PTPRD: variants seen among roughly 807,000 people sequenced by gnomAD.
PTPRD encodes protein tyrosine phosphatase receptor type D, also known as receptor-type tyrosine-protein phosphatase delta.
Under a neutral mutation model 214.5 loss-of-function variants are expected in PTPRD, and 34 were observed. The observed-to-expected ratio is 0.16, with a 90% CI of 0.12 to 0.21. The LOEUF (loss-of-function observed/expected upper bound fraction) is 0.21. Among genes scored for constraint, PTPRD ranks in the 10% least tolerant of loss-of-function variants. PTPRD has a pLI of 1.00. For missense variants in PTPRD, 2,545 were observed against 2,398.7 expected (o/e 1.06, Z -1.27); for synonymous variants, 1,128 against 845.7 (o/e 1.33, Z -5.79).
At chr9:8,630,321 T>TA (rs1188328604) in intron 14 of PTPRD, among the ~76,000 whole-genome samples, 1 of 151,834 alleles carries the variant, frequency 6.6e-6, no homozygotes, top group African/African-American at 2.4e-5. Flanking sequence ...AACTGTGGTA[T>TA]AAACCTCTTC....
At chr9:10,247,602 C>A (rs1273887336) in intron 3 of PTPRD, among the ~76,000 whole-genome samples, 1 of 152,098 alleles carries the variant, frequency 6.6e-6, no homozygotes, top group East Asian at 1.9e-4. Flanking sequence ...ACAGATATTT[C>A]CCCCTGAATG....
intron 4 of PTPRD, among the ~76,000 whole-genome samples, chr9:9,975,566 G>A (rs763719127): frequency 5.3e-5 from 8 of 152,158 alleles, no homozygotes; most frequent in Non-Finnish European, 7.4e-5. Flanking sequence ...AAGACTTCGT[G>A]AAACAGAGTA....
chr9:8,658,630 G>C (rs2096962436), intron 12 of PTPRD, among the ~76,000 whole-genome samples: 2 of 145,828 alleles, frequency 1.4e-5, no homozygotes, highest in African/African-American at 5.0e-5. Context: ...CCCATAATTA[G>C]TTTTGCAATT....
chr9:8,721,429 CAAAAAAAA>C lies in PTPRD; in HGVS notation c.64+12343_64+12350del, dbSNP rs35721977. On this transcript the variant is annotated intron_variant, in intron 12 of 45. Transcript: ENST00000381196. ...TGGACGACTGAGTGAGACTCCATTT[CAAAAAAAA>C]AAAAAAAAGAAAGATAAAGTGTTTA... 1.8e-4 allele frequency among the ~76,000 whole-genome samples: 18 copies of C among 97,318 alleles called. No homozygotes were observed. In the East Asian group the frequency reaches 5.3e-3, roughly 29 times the overall value. 63.8% of individuals were successfully genotyped at this position (97,318 alleles called of 152,430 possible). A position where few individuals can be genotyped will look rare whatever the true frequency, so the allele number is the denominator to read the frequency against.
At chr9:9,120,026 C>T (rs2099816128) in intron 10 of PTPRD, among the ~76,000 whole-genome samples, 1 of 152,076 alleles carries the variant, frequency 6.6e-6, no homozygotes, top group South Asian at 2.1e-4. Context: ...GAATGCATAC[C>T]ATTTTCTAAA....
chr9:8,818,525 T>C (rs2096969902), intron 11 of PTPRD, among the ~76,000 whole-genome samples: 1 of 152,170 alleles, frequency 6.6e-6, no homozygotes, highest in Admixed American at 6.6e-5. Context: ...TCACAGTAAT[T>C]AAGGTGAGGT....
At chr9:9,460,587 T>C (rs985000933) in intron 8 of PTPRD, among the ~76,000 whole-genome samples, 1 of 151,902 alleles carries the variant, frequency 6.6e-6, no homozygotes, top group Non-Finnish European at 1.5e-5. Context: ...TGCTTAACAA[T>C]AATCATCGAA....
At chr9:8,660,790 C>A (rs2097027179) in intron 12 of PTPRD, among the ~76,000 whole-genome samples, 1 of 152,110 alleles carries the variant, frequency 6.6e-6, no homozygotes, top group Non-Finnish European at 1.5e-5. Flanking sequence ...CTTGACTTTC[C>A]ACTTACTCTT....
At chr9:8,451,948 AGT>A in intron 33 of PTPRD, 1 of 475,638 alleles carries the variant, frequency 2.1e-6, no homozygotes, top group Non-Finnish European at 4.2e-6. Context: ...GGCTGGGGTG[AGT>A]GACACTGAGC....
chr9:9,217,827 A>C (rs1246695301), intron 9 of PTPRD, among the ~76,000 whole-genome samples: 1 of 152,080 alleles, frequency 6.6e-6, no homozygotes, highest in Non-Finnish European at 1.5e-5. Context: ...TATCTTGTCC[A>C]TATGTTTTCT....
chr9:9,263,057 C>T (rs2099980829), intron 9 of PTPRD, among the ~76,000 whole-genome samples: 2 of 151,432 alleles, frequency 1.3e-5, no homozygotes, highest in Admixed American at 1.3e-4. Flanking sequence ...AATGCTAATC[C>T]TCAGGGTAAA....
intron 5 of PTPRD, among the ~76,000 whole-genome samples, chr9:9,899,709 A>G (rs977163746): frequency 4.6e-5 from 7 of 152,090 alleles, no homozygotes; most frequent in African/African-American, 7.2e-5. Flanking sequence ...TATACCTCCA[A>G]AGGAAAAAAA....
intron 2 of PTPRD, among the ~76,000 whole-genome samples, chr9:10,583,104 T>G (rs895524739): frequency 1.3e-5 from 2 of 151,682 alleles, no homozygotes; most frequent in Non-Finnish European, 2.9e-5. Context: ...AGGTGAAGAG[T>G]TGGGTGATGC....
At chr9:8,916,309 G>T (rs908451555) in intron 11 of PTPRD, among the ~76,000 whole-genome samples, 1 of 152,044 alleles carries the variant, frequency 6.6e-6, no homozygotes, top group Non-Finnish European at 1.5e-5. Context: ...ATTAATCATT[G>T]GACAATTATG....
rs140145104 is a variant in PTPRD, at chr9:8,785,227, T to G, written c.-103-51281A>C. ...AAAAGAGACTGAAACAAGGAGATGA[T>G]GAAGAATAACAGGGGAAAAAAACAC... On this transcript the variant is annotated intron_variant, in intron 11 of 45. Transcript: ENST00000381196. Among the ~76,000 whole-genome samples, 314 of 152,216 alleles carry G rather than the reference T, an allele frequency of 2.1e-3. 1 individual carries two copies. Among genetic ancestry groups the G allele is most frequent in the African/African-American group, 7.4e-3 (306 of 41,524 alleles).
chr9:8,375,580 G>C (rs527641498), intron 39 of PTPRD, among the ~76,000 whole-genome samples: 1 of 152,054 alleles, frequency 6.6e-6, no homozygotes, highest in East Asian at 1.9e-4. Flanking sequence ...TATCAGTCCA[G>C]CCCACAAGAA....
At chr9:8,675,310 T>A (rs563067005) in intron 12 of PTPRD, among the ~76,000 whole-genome samples, 12 of 152,110 alleles carry the variant, frequency 7.9e-5, no homozygotes, top group African/African-American at 2.9e-4. Context: ...TGCTATGAAA[T>A]GGAAATACAA....
chr9:8,883,418 C>A (rs2098462589), intron 11 of PTPRD, among the ~76,000 whole-genome samples: 1 of 152,192 alleles, frequency 6.6e-6, no homozygotes. Flanking sequence ...TCTCCTTAGA[C>A]ATTCATTGGC....
intron 9 of PTPRD, among the ~76,000 whole-genome samples, chr9:9,276,797 T>C (rs1395935725): frequency 3.3e-5 from 5 of 151,408 alleles, no homozygotes; most frequent in African/African-American, 1.2e-4. Context: ...CTTTTTAAGT[T>C]CCTAATTCTA....
Sources: gnomAD v4.1 joint callset for allele counts (sites outside exome capture counted in the v4.1 genomes callset) on GRCh38, gnomAD v4.1.1 for gene constraint, MANE v1.5 for transcripts, NCBI Gene and HGNC (gene_info 2026-07-23, HGNC 2026-07-21) for gene names.